TBCD: variants seen among roughly 807,000 people sequenced by gnomAD.
The protein encoded by TBCD is tubulin-specific chaperone D.
TBCD carries 105 observed loss-of-function variants against 169.3 expected under a neutral mutation model. The ratio of observed to expected loss-of-function variants is 0.62; its 90% CI spans 0.53 to 0.73. The LOEUF is 0.73. TBCD is among the 30% of genes least tolerant of loss of function. The pLI, the probability that TBCD is intolerant of heterozygous loss-of-function variation, is 0.00. For synonymous variants in TBCD, 700 were observed against 643.9 expected (o/e 1.09, Z -1.32); for missense variants, 1,444 against 1,600.1 (o/e 0.90, Z 1.66).
At chr17:82,767,369 T>C (rs943132109) in intron 4 of TBCD, among the ~76,000 whole-genome samples, 1 of 152,132 alleles carries the variant, frequency 6.6e-6, no homozygotes, top group African/African-American at 2.4e-5. Context: ...CAGGGACAAA[T>C]TGGGATGTTT....
At chr17:82,876,408 AAC>A (rs2057978114) in intron 14 of TBCD, among the ~76,000 whole-genome samples, 1 of 152,194 alleles carries the variant, frequency 6.6e-6, no homozygotes, top group Admixed American at 6.5e-5. Context: ...ATGGTAGATG[AAC>A]GTGGTGACTC....
rs2057797389 is a variant in TBCD, at chr17:82,874,122, C to T, written c.1475+3742C>T. Among the ~76,000 whole-genome samples the T allele has an allele frequency of 6.6e-6, 1 of 152,122 alleles. No individual in the cohort carries two copies. The highest frequency in any genetic ancestry group is 1.5e-5 in the Non-Finnish European group (1 of 68,016). On this transcript the variant is annotated intron_variant, in intron 14 of 38. Transcript: ENST00000355528. The surrounding 1 kb of genome is among the most constrained non-coding windows in gnomAD (Gnocchi z 5.0). ...AGCCCATCATGCTGTGGGGTGCTCCCTGGGGGTTGTGTGTGTGTGGGTCCC... is the reference window on the plus strand; with the variant it reads ...AGCCCATCATGCTGTGGGGTGCTCCTTGGGGGTTGTGTGTGTGTGGGTCCC...
At chr17:82,863,919 G>A (rs1400193593) in intron 13 of TBCD, among the ~76,000 whole-genome samples, 2 of 152,190 alleles carry the variant, frequency 1.3e-5, no homozygotes, top group African/African-American at 4.8e-5. Context: ...TGCTTCTCAA[G>A]CCTTTCAAAT....
intron 23 of TBCD, among the ~76,000 whole-genome samples, chr17:82,914,589 C>T (rs1244304060): frequency 6.6e-6 from 1 of 152,124 alleles, no homozygotes; most frequent in Non-Finnish European, 1.5e-5. Context: ...CCGTGGCGGG[C>T]GTGTCCCGTG....
rs1242038963 is a variant in TBCD, at chr17:82,924,976, C to T, written c.2298C>T (p.Asn766=). 3.2e-6 allele frequency: 5 copies of T among 1,574,724 alleles called. No individual in the cohort carries two copies. The Admixed American group carries it at 5.5e-5, about 17-fold the overall frequency. ...CGCAGTACCTGGCTGAGCTTCGGAACCCCGAGGAGATGACTCGCTGTGGCT... is the reference window on the plus strand; with the variant it reads ...CGCAGTACCTGGCTGAGCTTCGGAATCCCGAGGAGATGACTCGCTGTGGCT... ...LITQYLAELR[N]PEEMTRCGFS... is the part of the protein sequence containing the mutation. Residue 766 remains asparagine (N), a synonymous_variant, in exon 27 of 39, where the codon AAC becomes AAT. Coordinates refer to ENST00000355528, the MANE Select transcript of TBCD (RefSeq NM_005993.5).
chr17:82,894,815 A>G (rs1218543236), intron 17 of TBCD, among the ~76,000 whole-genome samples: 2 of 152,134 alleles, frequency 1.3e-5, no homozygotes, highest in Non-Finnish European at 2.9e-5. Flanking sequence ...CGTGAATACT[A>G]AAAATACAAA....
intron 28 of TBCD, chr17:82,926,920 C>G (rs1000157069): frequency 7.3e-6 from 4 of 546,768 alleles, no homozygotes; most frequent in Middle Eastern, 4.8e-4. Flanking sequence ...TCCGTTCCCT[C>G]TAGTCAGGGT....
At chr17:82,911,289 G>A (rs1370479137) in intron 22 of TBCD, among the ~76,000 whole-genome samples, 4 of 151,946 alleles carry the variant, frequency 2.6e-5, no homozygotes, top group East Asian at 3.9e-4. Flanking sequence ...AGGGCAGCGC[G>A]CCTGCCCTTG....
At chr17:82,900,295 A>C (rs2059799903) in intron 17 of TBCD, among the ~76,000 whole-genome samples, 1 of 151,986 alleles carries the variant, frequency 6.6e-6, no homozygotes, top group Admixed American at 6.6e-5. Flanking sequence ...AGCTGTGTGC[A>C]CTCATTTTGT....
intron 16 of TBCD, among the ~76,000 whole-genome samples, chr17:82,892,875 G>T (rs1401981163): frequency 6.6e-6 from 1 of 152,202 alleles, no homozygotes; most frequent in Non-Finnish European, 1.5e-5. Context: ...TAGGCTGCGG[G>T]GCTGGAGCTG....
chr17:82,838,886 G>A (rs757929558), intron 13 of TBCD: 4 of 985,364 alleles, frequency 4.1e-6, no homozygotes, highest in Non-Finnish European at 4.8e-6. Context: ...CTGAAACTCC[G>A]GTCAGAAATG....
Position 82,942,490 on chromosome 17 carries a change from C to A in TBCD, c.*27C>A, listed in dbSNP as rs1217585190. The stretch of plus-strand genomic sequence containing the variant: ...GCCAGTCCTGGAGCCCATACCTCAC[C>A]CCTGCCTGGTGAGGATGTCTTGTTC... On this transcript the variant is annotated 3_prime_UTR_variant, in exon 39 of 39. Coordinates refer to ENST00000355528, the MANE Select transcript of TBCD (RefSeq NM_005993.5). The A allele has an allele frequency of 1.9e-6, 3 of 1,613,804 alleles. No individual in the cohort carries two copies. The highest frequency in any genetic ancestry group is 2.2e-5 in the East Asian group (1 of 44,894).
rs1246564854 is a variant in TBCD, at chr17:82,890,684, C to A, written c.1563+987C>A. Among the ~76,000 whole-genome samples the A allele has an allele frequency of 1.3e-5, 2 of 152,154 alleles. No homozygotes were observed. Among genetic ancestry groups the A allele is most frequent in the African/African-American group, 2.4e-5 (1 of 41,438 alleles). ...AGCCCAGGAAGGGGCGTGACTACTT[C>A]TTGCTGGCCCGAGGCAGCCGAGGCC... On this transcript the variant is annotated intron_variant, in intron 16 of 38. Coordinates refer to ENST00000355528, the MANE Select transcript of TBCD (RefSeq NM_005993.5). This position sits in a 1 kb window ranked among gnomAD's most constrained non-coding sequence, Gnocchi z 5.3.
intron 34 of TBCD, among the ~76,000 whole-genome samples, chr17:82,933,540 C>T (rs1434565324): frequency 1.3e-5 from 2 of 151,272 alleles, no homozygotes; most frequent in African/African-American, 2.4e-5. Context: ...TGAGCCACTG[C>T]GTCTGGCCTG....
At chr17:82,787,337 G>A (rs1045893978) in intron 7 of TBCD, among the ~76,000 whole-genome samples, 11 of 152,268 alleles carry the variant, frequency 7.2e-5, no homozygotes, top group East Asian at 1.9e-4. Flanking sequence ...TGAAACTGCC[G>A]TGAAGCAACG....
Position 82,814,873 on chromosome 17 carries a change from A to G in TBCD, c.1257A>G (p.Gly419=), listed in dbSNP as rs767881128. Reference sequence around the variant, plus strand: ...AGACTGACAAGGCGTGGCATGGGGGATGTCTGGCGCTGGCAGAGCTGGGCA... The same window carrying G: ...AGACTGACAAGGCGTGGCATGGGGGGTGTCTGGCGCTGGCAGAGCTGGGCA... ...FQETDKAWHG[G]CLALAELGRR... The change falls in exon 13 of 39, where the codon GGA becomes GGG. Residue 419 remains glycine, a synonymous_variant. Transcript: ENST00000355528. 5.0e-6 allele frequency: 8 copies of G among 1,613,206 alleles called. No individual in the cohort carries two copies. In the East Asian group the frequency reaches 1.6e-4, roughly 31 times the overall value.
Position 82,924,836 on chromosome 17 carries a change from C to T in TBCD, c.2261-103C>T, listed in dbSNP as rs1047734271. On this transcript the variant is annotated intron_variant, in intron 26 of 38. Coordinates refer to ENST00000355528, the MANE Select transcript of TBCD (RefSeq NM_005993.5). Reference sequence around the variant, plus strand: ...CTTTGGGAACCTCAGGCGGCTCCTCCTTTGTTCACTGTGGCTTTGCTCCTG... The same window carrying T: ...CTTTGGGAACCTCAGGCGGCTCCTCTTTTGTTCACTGTGGCTTTGCTCCTG... The T allele has an allele frequency of 7.5e-6, 7 of 931,740 alleles. No homozygotes were observed. In the South Asian group the frequency reaches 1.0e-4, roughly 13 times the overall value. 57.7% of individuals were successfully genotyped at this position (931,740 alleles called of 1,614,324 possible).
chr17:82,766,748 A>C (rs986617700), intron 4 of TBCD, among the ~76,000 whole-genome samples: 3 of 152,126 alleles, frequency 2.0e-5, no homozygotes, highest in Admixed American at 2.0e-4. Context: ...TTTGGCTGTC[A>C]CTTGTTATGG....
chr17:82,778,932 G>A (rs1375049982), intron 6 of TBCD, among the ~76,000 whole-genome samples: 1 of 152,138 alleles, frequency 6.6e-6, no homozygotes, highest in Admixed American at 6.6e-5. Flanking sequence ...AAAGTGTTGG[G>A]ATTACAGGCA....
Sources: gnomAD v4.1 joint callset for allele counts (sites outside exome capture counted in the v4.1 genomes callset) on GRCh38, gnomAD v4.1.1 for gene constraint, Gnocchi (gnomAD v3.1) non-coding constraint, MANE v1.5 for transcripts, NCBI Gene and HGNC (gene_info 2026-07-23, HGNC 2026-07-21) for gene names.